The following SPAG16 variants were observed in gnomAD, a reference collection of about 807,000 sequenced individuals.
The protein encoded by SPAG16 is sperm-associated antigen 16 protein.
A neutral mutation model predicts 80.4 loss-of-function variants in SPAG16; 86 were observed. The ratio of observed to expected loss-of-function variants is 1.07; its 90% CI spans 0.90 to 1.28. The LOEUF (loss-of-function observed/expected upper bound fraction) is 1.28, where lower values mean the gene tolerates loss of function less well. SPAG16 is among the 50% of genes most tolerant of loss of function. SPAG16 has a pLI of 0.00. For synonymous variants in SPAG16, 294 were observed against 265.9 expected (o/e 1.11, Z -1.03); for missense variants, 870 against 765.3 (o/e 1.14, Z -1.61).
intron 14 of SPAG16, among the ~76,000 whole-genome samples, chr2:214,137,998 A>G (rs35062212): frequency 0.1 from 15,280 of 152,060 alleles, 1,017 homozygotes; most frequent in East Asian, 0.29. Flanking sequence ...CATTGGCTCT[A>G]TAGAGGAGGG....
chr2:213,912,630 T>C, intron 11 of SPAG16, among the ~76,000 whole-genome samples: 1 of 152,160 alleles, frequency 6.6e-6, no homozygotes, highest in Admixed American at 6.5e-5. Context: ...GCTTGCTATG[T>C]GCATTCGGTG....
intron 15 of SPAG16, among the ~76,000 whole-genome samples, chr2:214,331,476 CTTAAAG>C (rs1559218913): frequency 6.6e-6 from 1 of 152,304 alleles, no homozygotes; most frequent in Admixed American, 6.5e-5. Flanking sequence ...ATCCACATTA[CTTAAAG>C]TTACAGAGAC....
intron 1 of SPAG16, 148 bp from the exon 2 acceptor site, chr2:213,295,916 G>C: frequency 1.8e-6 from 1 of 552,818 alleles, no homozygotes; most frequent in South Asian, 2.9e-5. Flanking sequence ...ATATGGGGAA[G>C]ACAAATTTTT....
chr2:213,349,563 A>C (rs1047331290), intron 6 of SPAG16, among the ~76,000 whole-genome samples: 3 of 152,198 alleles, frequency 2.0e-5, no homozygotes, highest in Non-Finnish European at 4.4e-5. Flanking sequence ...AAATGAAGAT[A>C]TATGACCAAA....
At chr2:213,305,402 AGTG>A (rs1303318886) in intron 3 of SPAG16, among the ~76,000 whole-genome samples, 1 of 152,108 alleles carries the variant, frequency 6.6e-6, no homozygotes, top group African/African-American at 2.4e-5. Context: ...GTTGAATAAT[AGTG>A]GTGACGATGG....
At chr2:213,542,649 C>T (rs745368057) in intron 10 of SPAG16, among the ~76,000 whole-genome samples, 20 of 151,682 alleles carry the variant, frequency 1.3e-4, no homozygotes, top group Admixed American at 4.6e-4. Flanking sequence ...AAGAATATTG[C>T]GAATTAAAAG....
intron 15 of SPAG16, among the ~76,000 whole-genome samples, chr2:214,192,506 A>C (rs915998504): frequency 6.6e-6 from 1 of 152,248 alleles, no homozygotes; most frequent in South Asian, 2.1e-4. Flanking sequence ...TATTTTGTTC[A>C]CAGAGTTTAT....
intron 6 of SPAG16, among the ~76,000 whole-genome samples, chr2:213,347,424 C>T (rs1407416429): frequency 6.6e-6 from 1 of 152,098 alleles, no homozygotes; most frequent in Non-Finnish European, 1.5e-5. Flanking sequence ...TTGCCTTCTG[C>T]CAGCTTTTGA....
intron 10 of SPAG16, among the ~76,000 whole-genome samples, chr2:213,511,927 GT>G (rs2075241703): frequency 6.6e-6 from 1 of 151,708 alleles, no homozygotes; most frequent in Non-Finnish European, 1.5e-5. Flanking sequence ...CAATACTTTA[GT>G]TTTGAGCTTT....
chr2:214,381,479 G>T (rs2126108631), intron 15 of SPAG16, among the ~76,000 whole-genome samples: 1 of 152,262 alleles, frequency 6.6e-6, no homozygotes, highest in Non-Finnish European at 1.5e-5. Context: ...TTTTTGGAAT[G>T]CCCAGGAGAT....
At chr2:213,401,856 A>G (rs1439001393) in intron 9 of SPAG16, among the ~76,000 whole-genome samples, 1 of 151,864 alleles carries the variant, frequency 6.6e-6, no homozygotes, top group Non-Finnish European at 1.5e-5. Context: ...TTCACTATGT[A>G]TTTTTCTCTT....
intron 10 of SPAG16, among the ~76,000 whole-genome samples, chr2:213,573,180 G>C (rs1285865679): frequency 6.6e-6 from 1 of 151,826 alleles, no homozygotes; most frequent in African/African-American, 2.4e-5. Flanking sequence ...AGATGGAAAT[G>C]CAGAAATCAC....
At chr2:213,833,902 G>C (rs898257441) in intron 10 of SPAG16, among the ~76,000 whole-genome samples, 2 of 151,580 alleles carry the variant, frequency 1.3e-5, no homozygotes. Context: ...CATAACAAAA[G>C]ACAGATGATA....
At chr2:213,558,364 G>A (rs970633368) in intron 10 of SPAG16, among the ~76,000 whole-genome samples, 3 of 151,950 alleles carry the variant, frequency 2.0e-5, no homozygotes, top group African/African-American at 7.2e-5. Context: ...AAGAGAACAA[G>A]TTGGAAGCTT....
chr2:213,470,492 G>A (rs2073018374), intron 9 of SPAG16, among the ~76,000 whole-genome samples: 1 of 152,208 alleles, frequency 6.6e-6, no homozygotes, highest in Non-Finnish European at 1.5e-5. Flanking sequence ...TTCCTTGATG[G>A]AAGAGGTTCA....
In SPAG16 at chr2:213,792,275, C is replaced by T. The variant is rs1470717939; in HGVS notation, c.1071-70210C>T. Among the ~76,000 whole-genome samples the T allele has an allele frequency of 2.0e-5, 3 of 152,152 alleles. No individual in the cohort carries two copies. The South Asian group carries it at 6.2e-4, about 32-fold the overall frequency. On this transcript the variant is annotated intron_variant, in intron 10 of 15. Coordinates refer to ENST00000331683, the MANE Select transcript of SPAG16 (RefSeq NM_024532.5). ...AATCGCACTCACTGTACTGACTGTG[C>T]AATATTCCATTTGACTTCATTGAAG...
chr2:214,009,557 G>C (rs972936834), intron 12 of SPAG16, among the ~76,000 whole-genome samples: 1 of 152,104 alleles, frequency 6.6e-6, no homozygotes, highest in African/African-American at 2.4e-5. Context: ...CATTTTTATT[G>C]TTAGATAAAA....
chr2:214,275,603 T>C (rs979453019), intron 15 of SPAG16, among the ~76,000 whole-genome samples: 3 of 152,204 alleles, frequency 2.0e-5, no homozygotes, highest in Non-Finnish European at 4.4e-5. Context: ...TTGTGCCATT[T>C]TGAGTGAGTT....
intron 8 of SPAG16, among the ~76,000 whole-genome samples, chr2:213,369,028 T>A (rs1292206355): frequency 6.6e-6 from 1 of 152,202 alleles, no homozygotes; most frequent in Non-Finnish European, 1.5e-5. Context: ...TACAGGCTGA[T>A]TTCTCATAGG....
Sources: gnomAD v4.1 joint callset for allele counts (sites outside exome capture counted in the v4.1 genomes callset) on GRCh38, gnomAD v4.1.1 for gene constraint, MANE v1.5 for transcripts, NCBI Gene and HGNC (gene_info 2026-07-23, HGNC 2026-07-21) for gene names.